The following TINAG variants were observed in gnomAD, a reference collection of about 807,000 sequenced individuals.
TINAG encodes tubulointerstitial nephritis antigen.
In TINAG, 83 loss-of-function variants were observed where a neutral mutation model predicts 72.7. The observed-to-expected ratio is 1.14, with a 90% CI of 0.96 to 1.37. The LOEUF (loss-of-function observed/expected upper bound fraction) is 1.37. Among genes scored for constraint, TINAG ranks in the 40% most tolerant of loss-of-function variants. The probability of loss-of-function intolerance (pLI) is 0.00; values close to 1 mark genes in which losing one functional copy is unlikely to be tolerated. For synonymous variants in TINAG, 234 were observed against 189.9 expected, an observed-to-expected ratio of 1.23 and a Z score of -1.91; for missense variants, 685 against 576.6, an observed-to-expected ratio of 1.19 and a Z score of -1.93.
intron 9 of TINAG, among the ~76,000 whole-genome samples, chr6:54,369,554 A>G (rs1763541153): frequency 6.6e-6 from 1 of 151,954 alleles, no homozygotes; most frequent in South Asian, 2.1e-4. Context: ...TTTTAAAATT[A>G]TACATTTCAT....
At chr6:54,363,870 G>C (rs966329132) in intron 9 of TINAG, among the ~76,000 whole-genome samples, 1 of 151,494 alleles carries the variant, frequency 6.6e-6, no homozygotes, top group Non-Finnish European at 1.5e-5. Context: ...AGCCTGGAAA[G>C]GTTGGTATTC....
At chr6:54,356,569 T>G (rs1229654834) in intron 9 of TINAG, among the ~76,000 whole-genome samples, 1 of 151,808 alleles carries the variant, frequency 6.6e-6, no homozygotes, top group Non-Finnish European at 1.5e-5. Context: ...TGCTCAAAGA[T>G]CATTATTATC....
At position 54,322,665 on chromosome 6, in the gene TINAG, T is replaced by C. The variant is rs181055304; in HGVS notation, c.509+1279T>C. On this transcript the variant is annotated intron_variant, in intron 3 of 10. Transcript: ENST00000259782. Reference sequence around the variant, plus strand: ...GTATTCAAAGTTTTTTCTTGGAACATACAAAACATAGAAAGTCACATTTGT... The same window carrying C: ...GTATTCAAAGTTTTTTCTTGGAACACACAAAACATAGAAAGTCACATTTGT... 9.8e-4 allele frequency among the ~76,000 whole-genome samples: 150 copies of C among 152,296 alleles called. 1 individual carries two copies. Among genetic ancestry groups the C allele is most frequent in the Non-Finnish European group, 9.1e-4 (62 of 68,022 alleles).
intron 4 of TINAG, among the ~76,000 whole-genome samples, chr6:54,333,398 A>G (rs1784788294): frequency 6.6e-6 from 1 of 152,084 alleles, no homozygotes; most frequent in African/African-American, 2.4e-5. Context: ...GTTCTCACTC[A>G]TAAGTGGGAG....
intron 10 of TINAG, among the ~76,000 whole-genome samples, chr6:54,385,024 GAATGT>G (rs1424834849): frequency 1.3e-5 from 2 of 152,076 alleles, no homozygotes; most frequent in African/African-American, 4.8e-5. Context: ...AAGCACTACT[GAATGT>G]AATAGAAAAT....
At chr6:54,315,026 C>T (rs1260052439) in intron 1 of TINAG, among the ~76,000 whole-genome samples, 15 of 151,910 alleles carry the variant, frequency 9.9e-5, no homozygotes, top group African/African-American at 3.6e-4. Context: ...GAAAATAGTA[C>T]TACACAATAT....
chr6:54,321,769 G>A (rs1025293899), intron 3 of TINAG, among the ~76,000 whole-genome samples: 12 of 152,026 alleles, frequency 7.9e-5, no homozygotes, highest in Non-Finnish European at 1.3e-4. Flanking sequence ...AGCTATCATG[G>A]GTAGAATCTG....
At chr6:54,315,076 G>A (rs1408482821) in intron 1 of TINAG, among the ~76,000 whole-genome samples, 1 of 152,010 alleles carries the variant, frequency 6.6e-6, no homozygotes, top group South Asian at 2.1e-4. Flanking sequence ...AAAATACAAT[G>A]TATATTATTT....
In TINAG at chr6:54,343,278, A is replaced by C. The variant is rs144442097; in HGVS notation, c.677A>C (p.Lys226Thr). ...CCAGAGTTTTTTGTTGCTTCTTATA[A>C]ATGGCCTGGATGGACTCATGGCCCA... ...DLPEFFVASYKWPGWTHGPLD... is the reference protein window; with the variant it reads ...DLPEFFVASYTWPGWTHGPLD... The change falls in exon 5 of 11, where the codon AAA (lysine) becomes ACA (threonine). Residue 226 changes from lysine to threonine, a missense_variant. Physicochemically the swap from Lys to Thr is moderately conservative, Grantham distance 78 (BLOSUM62 -1). Transcript: ENST00000259782. 1 of 1,586,034 alleles carries C rather than the reference A, an allele frequency of 6.3e-7. No individual in the cohort carries two copies. The highest frequency in any genetic ancestry group is 1.4e-5 in the African/African-American group (1 of 73,968).
chr6:54,313,147 A>G (rs1784296215), intron 1 of TINAG, among the ~76,000 whole-genome samples: 1 of 152,188 alleles, frequency 6.6e-6, no homozygotes, highest in African/African-American at 2.4e-5. Flanking sequence ...ATACACGTTT[A>G]AAATTAGCAT....
Position 54,347,465 on chromosome 6 carries a change from G to A in TINAG, c.847G>A (p.Gly283Arg). The change falls in exon 6 of 11, where the codon GGA (glycine) becomes AGA (arginine). Residue 283 changes from glycine (G) to arginine (R), a missense_variant. Coordinates refer to ENST00000259782, the MANE Select transcript of TINAG (RefSeq NM_014464.4). Reference sequence around the variant, plus strand: ...CTCTTGCTGTGCCAAGAACCGTCATGGATGCAATAGTGGAAGCATCGATAG... The same window carrying A: ...CTCTTGCTGTGCCAAGAACCGTCATAGATGCAATAGTGGAAGCATCGATAG... The part of the protein sequence containing the change: ...LISCCAKNRH[G>R]CNSGSIDRAW... 1.2e-6 allele frequency: 2 copies of A among 1,613,188 alleles called. No individual in the cohort carries two copies. Among genetic ancestry groups the A allele is most frequent in the Non-Finnish European group, 1.7e-6 (2 of 1,179,510 alleles).
At chr6:54,320,864 T>C (rs1784474889) in intron 2 of TINAG, among the ~76,000 whole-genome samples, 1 of 152,180 alleles carries the variant, frequency 6.6e-6, no homozygotes, top group Admixed American at 6.5e-5. Flanking sequence ...TTGATGTTCT[T>C]GACAATGGGT....
intron 3 of TINAG, among the ~76,000 whole-genome samples, chr6:54,323,280 G>T (rs1784532969): frequency 6.6e-6 from 1 of 152,074 alleles, no homozygotes; most frequent in Non-Finnish European, 1.5e-5. Context: ...TTAAGTAAAA[G>T]GAGCAAGCTA....
intron 10 of TINAG, among the ~76,000 whole-genome samples, chr6:54,383,265 A>G (rs1311015877): frequency 6.6e-6 from 1 of 152,174 alleles, no homozygotes; most frequent in African/African-American, 2.4e-5. Context: ...AGGAAAGCAA[A>G]AACTTTATTC....
At chr6:54,368,467 T>C (rs1330808637) in intron 9 of TINAG, among the ~76,000 whole-genome samples, 2 of 150,480 alleles carry the variant, frequency 1.3e-5, no homozygotes, top group African/African-American at 2.4e-5. Flanking sequence ...GAAGATCTAA[T>C]TTTTTTCTTC....
At chr6:54,386,648 G>A (rs978722674) in intron 10 of TINAG, among the ~76,000 whole-genome samples, 1 of 151,920 alleles carries the variant, frequency 6.6e-6, no homozygotes. Context: ...CCTCTTTTAA[G>A]GGGCTTCTTG....
At chr6:54,366,588 G>C (rs71558872) in intron 9 of TINAG, among the ~76,000 whole-genome samples, 1 of 150,006 alleles carries the variant, frequency 6.7e-6, no homozygotes, top group South Asian at 2.1e-4. Context: ...AGATAGAGAA[G>C]AGGGAGGGAG....
At chr6:54,388,729 T>C (rs1421831188) in intron 10 of TINAG, among the ~76,000 whole-genome samples, 2 of 152,096 alleles carry the variant, frequency 1.3e-5, no homozygotes, top group African/African-American at 4.8e-5. Context: ...CACACACTTA[T>C]TCGTTCAAGC....
intron 1 of TINAG, among the ~76,000 whole-genome samples, chr6:54,312,570 T>C (rs950590428): frequency 5.1e-4 from 77 of 152,254 alleles, no homozygotes; most frequent in African/African-American, 1.7e-3. Context: ...AGGGAGATAT[T>C]TGTTATGCTT....
Sources: allele counts gnomAD v4.1 joint callset (sites outside exome capture counted in the v4.1 genomes callset), GRCh38; gene constraint gnomAD v4.1.1; transcripts MANE v1.5; gene names NCBI Gene and HGNC (gene_info 2026-07-23, HGNC 2026-07-21).